Variants in SYT1 observed in about 807,000 individuals in gnomAD.
SYT1 encodes synaptotagmin-1.
A neutral mutation model predicts 44.8 loss-of-function variants in SYT1; 8 were observed. That is an observed-to-expected ratio of 0.18 (90% CI 0.10 to 0.32). The LOEUF (loss-of-function observed/expected upper bound fraction) is 0.32. Ranked by LOEUF, SYT1 falls within the 10% of genes least tolerant of loss-of-function variation. The probability of loss-of-function intolerance (pLI) is 1.00; values close to 1 mark genes in which losing one functional copy is unlikely to be tolerated. For missense variants in SYT1, 286 were observed against 509.3 expected (o/e 0.56, Z 4.22); for synonymous variants, 154 against 188.8 (o/e 0.82, Z 1.51).
chr12:79,247,664 G>A (rs1464016105), intron 4 of SYT1, among the ~76,000 whole-genome samples: 1 of 152,048 alleles, frequency 6.6e-6, no homozygotes, highest in African/African-American at 2.4e-5. Context: ...TGCCTGCTGT[G>A]TACTAAACAA....
intron 3 of SYT1, among the ~76,000 whole-genome samples, chr12:79,081,957 C>A (rs1877065178): frequency 6.6e-6 from 1 of 151,890 alleles, no homozygotes; most frequent in Admixed American, 6.6e-5. Context: ...GAAATAAATA[C>A]AAAAATATAT....
intron 3 of SYT1, among the ~76,000 whole-genome samples, chr12:79,211,096 G>A (rs75670466): frequency 6.6e-6 from 1 of 151,766 alleles, no homozygotes; most frequent in Non-Finnish European, 1.5e-5. Flanking sequence ...GGGAAAAGTG[G>A]GTATTCTTCC....
At chr12:78,951,030 G>A (rs1031366013) in intron 1 of SYT1, among the ~76,000 whole-genome samples, 16 of 152,168 alleles carry the variant, frequency 1.1e-4, no homozygotes, top group African/African-American at 3.9e-4. Context: ...ATAGTATATT[G>A]GAACTAATTG....
intron 3 of SYT1, among the ~76,000 whole-genome samples, chr12:79,110,668 T>C (rs1344207067): frequency 6.6e-6 from 1 of 152,194 alleles, no homozygotes; most frequent in Non-Finnish European, 1.5e-5. Flanking sequence ...ATTGAACCAA[T>C]ACATTTTTTA....
rs149296438 is a variant in SYT1 at position 78,976,856 on chromosome 12, A to G, written c.-216-943A>G. ...AATTCTTAATTGGTCTACAGGATTC[A>G]GCTGATAACGTGAATTCTGTCTACC... On this transcript the variant is annotated intron_variant, in intron 1 of 10. Coordinates refer to ENST00000261205, the MANE Select transcript of SYT1 (RefSeq NM_005639.3). 2.0e-5 allele frequency among the ~76,000 whole-genome samples: 3 copies of G among 152,318 alleles called. 1 individual carries two copies. Among genetic ancestry groups the G allele is most frequent in the African/African-American group, 7.2e-5 (3 of 41,582 alleles).
At chr12:79,408,835 T>C (rs1180922478) in intron 9 of SYT1, among the ~76,000 whole-genome samples, 3 of 151,978 alleles carry the variant, frequency 2.0e-5, no homozygotes, top group African/African-American at 7.3e-5. Flanking sequence ...ACAAATTACT[T>C]TGTAATAGCT....
chr12:78,961,588 A>G (rs929261592), intron 1 of SYT1, among the ~76,000 whole-genome samples: 1 of 152,040 alleles, frequency 6.6e-6, no homozygotes, highest in African/African-American at 2.4e-5. Context: ...TAGTAGGTTG[A>G]TATTTCCCTG....
At chr12:79,255,643 T>A (rs530095805) in intron 4 of SYT1, among the ~76,000 whole-genome samples, 2 of 152,288 alleles carry the variant, frequency 1.3e-5, no homozygotes, top group East Asian at 3.9e-4. Flanking sequence ...AGCACTCTCT[T>A]AGCAAAAAGT....
intron 9 of SYT1, among the ~76,000 whole-genome samples, chr12:79,416,047 A>T (rs1868719594): frequency 6.6e-6 from 1 of 152,202 alleles, no homozygotes; most frequent in Admixed American, 6.5e-5. Flanking sequence ...ATTGAGAATC[A>T]TTTTTGTTTT....
intron 3 of SYT1, among the ~76,000 whole-genome samples, chr12:79,201,267 A>G (rs1330386960): frequency 6.6e-6 from 1 of 152,172 alleles, no homozygotes; most frequent in African/African-American, 2.4e-5. Context: ...GAGAGATTCT[A>G]GCCAGTTTCA....
At chr12:79,141,659 A>G (rs1258836141) in intron 3 of SYT1, among the ~76,000 whole-genome samples, 2 of 152,328 alleles carry the variant, frequency 1.3e-5, no homozygotes, top group South Asian at 2.1e-4. Context: ...TAGATTAGCA[A>G]TGATTATTTA....
intron 4 of SYT1, among the ~76,000 whole-genome samples, chr12:79,218,407 C>T (rs1020600267): frequency 6.6e-6 from 1 of 152,028 alleles, no homozygotes; most frequent in East Asian, 1.9e-4. Flanking sequence ...TCAGTTATTC[C>T]ACAATGTATC....
chr12:79,051,839 G>T (rs1354727160), intron 3 of SYT1, among the ~76,000 whole-genome samples: 2 of 152,026 alleles, frequency 1.3e-5, no homozygotes, highest in Non-Finnish European at 2.9e-5. Flanking sequence ...GATAGCTGTA[G>T]ATATGCGGCA....
intron 10 of SYT1, 64 bp downstream of exon 10, chr12:79,444,270 C>T (rs1432510189): frequency 1.3e-6 from 2 of 1,584,654 alleles, no homozygotes; most frequent in Non-Finnish European, 1.7e-6. Context: ...ATAAATTATA[C>T]ACACAGACCT....
rs1161920820 is a variant in SYT1, at chr12:79,348,205, C to G, written c.811-5297C>G. ...GATCAGATTTCCATTTTAAAAGGAT[C>G]ATGCTGCCTTTTATGTGAGAAGGAA... On this transcript the variant is annotated intron_variant, in intron 8 of 10. Transcript: ENST00000261205. Among the ~76,000 whole-genome samples the G allele has an allele frequency of 2.0e-5, 3 of 152,272 alleles. No homozygotes were observed. The East Asian group carries it at 5.8e-4, about 29-fold the overall frequency.
intron 3 of SYT1, among the ~76,000 whole-genome samples, chr12:79,179,380 A>C (rs1461786686): frequency 1.3e-5 from 1 of 76,796 alleles, no homozygotes; most frequent in African/African-American, 6.3e-5. Context: ...ATAGATATAG[A>C]TATATCGATA....
At chr12:78,874,307 C>T (rs1371158125) in intron 1 of SYT1, among the ~76,000 whole-genome samples, 3 of 151,496 alleles carry the variant, frequency 2.0e-5, no homozygotes, top group Non-Finnish European at 4.4e-5. Flanking sequence ...TCAATAAACT[C>T]ATAAATGTCA....
At chr12:78,966,151 C>T (rs1879762175) in intron 1 of SYT1, among the ~76,000 whole-genome samples, 1 of 151,040 alleles carries the variant, frequency 6.6e-6, no homozygotes, top group Non-Finnish European at 1.5e-5. Context: ...CATTTTTTTA[C>T]TATATCTATT....
chr12:78,866,626 C>A (rs749486396), intron 1 of SYT1, among the ~76,000 whole-genome samples: 2 of 152,076 alleles, frequency 1.3e-5, no homozygotes, highest in Non-Finnish European at 2.9e-5. Context: ...AGCGATAGTA[C>A]TGTCAGATGG....
Sources: gnomAD v4.1 joint callset for allele counts (sites outside exome capture counted in the v4.1 genomes callset) on GRCh38, gnomAD v4.1.1 for gene constraint, MANE v1.5 for transcripts, NCBI Gene and HGNC (gene_info 2026-07-23, HGNC 2026-07-21) for gene names.